The following ITGA8 variants were observed in gnomAD, a reference collection of about 807,000 sequenced individuals.
The protein encoded by ITGA8 is integrin alpha-8.
In ITGA8, 91 loss-of-function variants were observed where a neutral mutation model predicts 142.3. The observed-to-expected ratio is 0.64, with a 90% CI of 0.54 to 0.76. ITGA8 has a LOEUF of 0.76. ITGA8 is among the 30% of genes least tolerant of loss of function. ITGA8 has a pLI of 0.00. For missense variants in ITGA8, 1,406 were observed against 1,327.7 expected, an observed-to-expected ratio of 1.06 and a Z score of -0.92; for synonymous variants, 505 against 485.2, an observed-to-expected ratio of 1.04 and a Z score of -0.54.
At chr10:15,653,993 C>T (rs763535755) in intron 11 of ITGA8, among the ~76,000 whole-genome samples, 1 of 151,994 alleles carries the variant, frequency 6.6e-6, no homozygotes, top group Admixed American at 6.6e-5. Context: ...CACCACCATG[C>T]CCGGCTAATT....
chr10:15,712,332 A>T (rs1360352082), intron 2 of ITGA8, among the ~76,000 whole-genome samples: 1 of 152,202 alleles, frequency 6.6e-6, no homozygotes, highest in Non-Finnish European at 1.5e-5. Flanking sequence ...CTGTAATCCC[A>T]GCACTTTGAG....
intron 23 of ITGA8, among the ~76,000 whole-genome samples, chr10:15,579,729 A>G (rs1834368602): frequency 6.6e-6 from 1 of 152,098 alleles, no homozygotes; most frequent in African/African-American, 2.4e-5. Flanking sequence ...TAAAACATCG[A>G]GATTAGCTCC....
intron 8 of ITGA8, among the ~76,000 whole-genome samples, chr10:15,666,813 A>G (rs1476900417): frequency 6.6e-6 from 1 of 152,136 alleles, no homozygotes; most frequent in African/African-American, 2.4e-5. Context: ...TATATGTTGG[A>G]TTACATTTAT....
At chr10:15,672,936 AAGACCTG>A (rs1181026594) in intron 6 of ITGA8, among the ~76,000 whole-genome samples, 187 bp from the exon 7 acceptor site, 2 of 152,194 alleles carry the variant, frequency 1.3e-5, no homozygotes, top group African/African-American at 4.8e-5. Flanking sequence ...ATTCTGACAG[AAGACCTG>A]AGATGAACTA....
intron 22 of ITGA8, among the ~76,000 whole-genome samples, chr10:15,591,009 T>C (rs1832911969): frequency 6.6e-6 from 1 of 152,202 alleles, no homozygotes; most frequent in African/African-American, 2.4e-5. Flanking sequence ...GCTACATTCT[T>C]ACAGAGTTTA....
chr10:15,591,583 T>C (rs978124109), intron 22 of ITGA8, among the ~76,000 whole-genome samples: 1 of 152,146 alleles, frequency 6.6e-6, no homozygotes, highest in Admixed American at 6.6e-5. Flanking sequence ...TCTTCAGGTC[T>C]TCCTGTTCAC....
intron 27 of ITGA8, among the ~76,000 whole-genome samples, chr10:15,541,809 T>TC (rs1238037939): frequency 6.6e-6 from 1 of 152,170 alleles, no homozygotes; most frequent in Non-Finnish European, 1.5e-5. Context: ...CAAGTTTTTT[T>TC]TTTTTTCATT....
At chr10:15,683,894 T>C in intron 4 of ITGA8, 110 bp downstream of exon 4, 4 of 1,340,510 alleles carry the variant, frequency 3.0e-6, no homozygotes, top group Non-Finnish European at 4.1e-6. Flanking sequence ...CGAAGCTTTT[T>C]CCTTGCAACC....
chr10:15,678,134 C>T (rs915355814), intron 5 of ITGA8, among the ~76,000 whole-genome samples: 1 of 152,106 alleles, frequency 6.6e-6, no homozygotes, highest in African/African-American at 2.4e-5. Flanking sequence ...TTGACATCCT[C>T]ACCTTTCGTG....
At chr10:15,604,718 A>T (rs1833163940) in intron 19 of ITGA8, among the ~76,000 whole-genome samples, 1 of 152,110 alleles carries the variant, frequency 6.6e-6, no homozygotes, top group South Asian at 2.1e-4. Context: ...TTAACATTTC[A>T]CTTACAAGCC....
chr10:15,674,575 A>G, intron 6 of ITGA8, among the ~76,000 whole-genome samples: 1 of 152,212 alleles, frequency 6.6e-6, no homozygotes, highest in East Asian at 1.9e-4. Context: ...CAAAATGTTA[A>G]TTGTTTGATG....
At position 15,653,645 on chromosome 10, in the gene ITGA8, C is replaced by T. The variant is rs188328149; in HGVS notation, c.1001+1709G>A. On this transcript the variant is annotated intron_variant, in intron 11 of 29. Transcript: ENST00000378076. ...TCACTGCCCTAAAAATCCTGTTCTT[C>T]ACCTGTTCATAACTCCCTCCATCAG... Among the ~76,000 whole-genome samples, 225 of 152,252 alleles carry T rather than the reference C, an allele frequency of 1.5e-3. 1 individual carries two copies. The highest frequency in any genetic ancestry group is 5.3e-3 in the African/African-American group (219 of 41,546).
chr10:15,698,569 A>G (rs1835100037), intron 2 of ITGA8, among the ~76,000 whole-genome samples: 1 of 152,122 alleles, frequency 6.6e-6, no homozygotes, highest in Non-Finnish European at 1.5e-5. Context: ...CCACACCAAC[A>G]TCTATTTTTT....
intron 19 of ITGA8, 107 bp from the exon 20 acceptor site, chr10:15,604,462 AAAAG>A: frequency 1.2e-6 from 1 of 817,892 alleles, no homozygotes; most frequent in African/African-American, 1.7e-5. Flanking sequence ...CAAGTGCAAA[AAAAG>A]AAGATGGACC....
intron 27 of ITGA8, among the ~76,000 whole-genome samples, chr10:15,544,500 C>T (rs756758421): frequency 5.3e-5 from 8 of 152,166 alleles, no homozygotes; most frequent in Non-Finnish European, 4.4e-5. Context: ...AGTTTGTGGT[C>T]CTTTGTTGCA....
chr10:15,607,609 A>T, intron 17 of ITGA8, 68 bp downstream of exon 17: 1 of 1,451,778 alleles, frequency 6.9e-7, no homozygotes, highest in Non-Finnish European at 9.7e-7. Flanking sequence ...TGATGGTTAA[A>T]TGGAGAAAAA....
intron 13 of ITGA8, among the ~76,000 whole-genome samples, chr10:15,620,687 G>T (rs145548152): frequency 1.3e-3 from 194 of 152,310 alleles, no homozygotes; most frequent in African/African-American, 4.2e-3. Flanking sequence ...GATCTCTCCA[G>T]GGGAGGAGAA....
intron 27 of ITGA8, among the ~76,000 whole-genome samples, chr10:15,542,121 G>T (rs11259732): frequency 6.6e-6 from 1 of 152,126 alleles, no homozygotes; most frequent in Non-Finnish European, 1.5e-5. Context: ...CTTACTTTAC[G>T]AGGGGATATA....
Position 15,625,913 on chromosome 10 carries a change from CA to C in ITGA8, c.1400-9355del, listed in dbSNP as rs549671402. Among the ~76,000 whole-genome samples, 116 of 152,322 alleles carry C rather than the reference CA, an allele frequency of 7.6e-4. 3 individuals are homozygous for C. In the South Asian group the frequency reaches 0.023, roughly 30 times the overall value. On this transcript the variant is annotated intron_variant, in intron 13 of 29. Transcript: ENST00000378076. ...AAATCGAGCTGCAGACATAGACAAG[CA>C]AGCTGGAAGATTGCATGGGTGAATG...
Sources: gnomAD v4.1 joint callset for allele counts (sites outside exome capture counted in the v4.1 genomes callset) on GRCh38, gnomAD v4.1.1 for gene constraint, MANE v1.5 for transcripts, NCBI Gene and HGNC (gene_info 2026-07-23, HGNC 2026-07-21) for gene names.